Variants in SCAF8 observed in about 807,000 individuals in gnomAD.
SCAF8 encodes the protein SR-related CTD associated factor 8.
In SCAF8, 23 loss-of-function variants were observed where a neutral mutation model predicts 140.5. The ratio of observed to expected loss-of-function variants is 0.16; its 90% CI spans 0.12 to 0.23. The LOEUF (loss-of-function observed/expected upper bound fraction) is 0.23. Ranked by LOEUF, SCAF8 falls within the 10% of genes least tolerant of loss-of-function variation. SCAF8 has a pLI of 1.00. For missense variants in SCAF8, 1,397 were observed against 1,555.7 expected (o/e 0.90, Z 1.72); for synonymous variants, 575 against 528.9 (o/e 1.09, Z -1.20).
chr6:154,741,831 C>T lies in SCAF8; in HGVS notation c.30+7901C>T, dbSNP rs1778578519. The T allele has an allele frequency of 6.4e-6, 4 of 628,020 alleles. No individual in the cohort carries two copies. In the East Asian group the frequency reaches 8.5e-5, roughly 13 times the overall value. The allele number at this position is 628,020 out of a possible 1,614,324, so 38.9% of individuals were successfully genotyped here. On this transcript the variant is annotated intron_variant, in intron 1 of 19. Coordinates refer to ENST00000367178, the MANE Select transcript of SCAF8 (RefSeq NM_014892.5). Reference sequence around the variant, plus strand: ...ACGCTGTTTTGGACAACTTCTAACTCATAATGGTGTGAAAGAATGTAATCA... The same window carrying T: ...ACGCTGTTTTGGACAACTTCTAACTTATAATGGTGTGAAAGAATGTAATCA...
intron 1 of SCAF8, among the ~76,000 whole-genome samples, chr6:154,756,031 C>T (rs1778958336): frequency 6.6e-6 from 1 of 152,166 alleles, no homozygotes. Context: ...TCTTATTAAA[C>T]TTTATGCTTG....
intron 1 of SCAF8, among the ~76,000 whole-genome samples, chr6:154,735,242 C>T (rs1778384379): frequency 6.6e-6 from 1 of 151,922 alleles, no homozygotes; most frequent in African/African-American, 2.4e-5. Flanking sequence ...TAAAGAGTAT[C>T]TTTAATATTT....
At chr6:154,821,720 G>A (rs554081002) in intron 15 of SCAF8, among the ~76,000 whole-genome samples, 2 of 152,282 alleles carry the variant, frequency 1.3e-5, no homozygotes, top group South Asian at 2.1e-4. Flanking sequence ...TATAGCTTGC[G>A]CAGAGTGAGT....
chr6:154,815,915 TTAAA>T, intron 13 of SCAF8, 99 bp downstream of exon 13: 1 of 620,480 alleles, frequency 1.6e-6, no homozygotes, highest in East Asian at 3.0e-5. Context: ...AATGTCTGCC[TTAAA>T]TAATACACAT....
intron 1 of SCAF8, among the ~76,000 whole-genome samples, chr6:154,765,943 A>G (rs72993420): frequency 0.014 from 2,202 of 152,250 alleles, 21 homozygotes; most frequent in Non-Finnish European, 0.021. Context: ...TGAAAATCAT[A>G]TAACTTTTGA....
chr6:154,751,850 C>A (rs983536312), intron 1 of SCAF8, among the ~76,000 whole-genome samples: 4 of 152,306 alleles, frequency 2.6e-5, no homozygotes, highest in South Asian at 2.1e-4. Context: ...TGCTGCTCCT[C>A]TCCTCCTCGT....
intron 7 of SCAF8, among the ~76,000 whole-genome samples, chr6:154,802,665 T>A (rs1015920074): frequency 1.3e-5 from 2 of 152,144 alleles, no homozygotes; most frequent in African/African-American, 4.8e-5. Flanking sequence ...TTTAAAATAT[T>A]TTCATTTGAC....
At chr6:154,779,109 T>C (rs1202349800) in intron 3 of SCAF8, among the ~76,000 whole-genome samples, 14 of 152,190 alleles carry the variant, frequency 9.2e-5, no homozygotes. Context: ...TTCGGCTCAC[T>C]GCAACCTCTG....
chr6:154,794,766 G>A (rs545080466), intron 5 of SCAF8, among the ~76,000 whole-genome samples: 2 of 74,196 alleles, frequency 2.7e-5, no homozygotes, highest in African/African-American at 6.8e-5. Context: ...TGGTGGGGGG[G>A]GGGGGGTGTG....
chr6:154,816,986 CT>C (rs1184301222), intron 13 of SCAF8, among the ~76,000 whole-genome samples: 1 of 152,050 alleles, frequency 6.6e-6, no homozygotes, highest in Non-Finnish European at 1.5e-5. Flanking sequence ...TCAGATTTCT[CT>C]TTCTTTACCA....
At chr6:154,785,182 A>G (rs1562444703) in intron 3 of SCAF8, among the ~76,000 whole-genome samples, 1 of 152,176 alleles carries the variant, frequency 6.6e-6, no homozygotes, top group African/African-American at 2.4e-5. Flanking sequence ...AGCAGTATTC[A>G]TTACTATCTG....
chr6:154,755,165 G>A (rs1778934652), intron 1 of SCAF8, among the ~76,000 whole-genome samples: 1 of 152,012 alleles, frequency 6.6e-6, no homozygotes, highest in Non-Finnish European at 1.5e-5. Flanking sequence ...TTCTCCTTTG[G>A]TTTGTTGCAG....
chr6:154,782,417 T>TCAAAA (rs200726820), intron 3 of SCAF8, among the ~76,000 whole-genome samples: 8 of 151,830 alleles, frequency 5.3e-5, no homozygotes, highest in African/African-American at 7.3e-5. Context: ...AGAGCTTGTC[T>TCAAAA]CAAAACAAAA....
chr6:154,801,999 TACA>T lies in SCAF8; in HGVS notation c.642_644del (p.Gln215del). 1.2e-6 allele frequency: 2 copies of T among 1,605,462 alleles called. No homozygotes were observed. Among genetic ancestry groups the T allele is most frequent in the Non-Finnish European group, 1.7e-6 (2 of 1,176,886 alleles). On this transcript the variant is annotated inframe_deletion, in exon 7 of 20. Transcript: ENST00000367178. ...CAACAATTAATACAAACCTTACAGA[TACA>T]ACAACAGAAGCCCCAGCCTTCCATT...
intron 1 of SCAF8, among the ~76,000 whole-genome samples, chr6:154,740,919 G>T (rs1477229888): frequency 6.6e-6 from 1 of 151,962 alleles, no homozygotes; most frequent in Non-Finnish European, 1.5e-5. Flanking sequence ...GTGCCTGGCC[G>T]CTAAGTAAAG....
intron 1 of SCAF8, among the ~76,000 whole-genome samples, chr6:154,767,045 A>G (rs967728769): frequency 6.6e-6 from 1 of 152,130 alleles, no homozygotes; most frequent in Non-Finnish European, 1.5e-5. Flanking sequence ...ATGGTTGACC[A>G]GGGGCATTGT....
chr6:154,737,841 C>G lies in SCAF8; in HGVS notation c.30+3911C>G, dbSNP rs528883752. On this transcript the variant is annotated intron_variant, in intron 1 of 19. Transcript: ENST00000367178. ...CCGGTGATCTGCCCACCTCCCCTCCCAAAGTGCTGGGATTACAGGCCTAAG... is the reference window on the plus strand; with the variant it reads ...CCGGTGATCTGCCCACCTCCCCTCCGAAAGTGCTGGGATTACAGGCCTAAG... 1.2e-4 allele frequency among the ~76,000 whole-genome samples: 18 copies of G among 152,252 alleles called. No individual in the cohort carries two copies. The South Asian group carries it at 3.1e-3, about 26-fold the overall frequency.
intron 3 of SCAF8, among the ~76,000 whole-genome samples, chr6:154,783,607 A>G (rs978872303): frequency 3.9e-5 from 6 of 152,248 alleles, no homozygotes; most frequent in African/African-American, 9.6e-5. Flanking sequence ...AGAGATTATC[A>G]TCATGAAAGT....
At chr6:154,793,405 A>C (rs942594323) in intron 5 of SCAF8, among the ~76,000 whole-genome samples, 3 of 151,972 alleles carry the variant, frequency 2.0e-5, no homozygotes, top group African/African-American at 7.2e-5. Flanking sequence ...ACTATGATAA[A>C]AAATTTTTAT....
Sources: gnomAD v4.1 joint callset for allele counts (sites outside exome capture counted in the v4.1 genomes callset) on GRCh38, gnomAD v4.1.1 for gene constraint, MANE v1.5 for transcripts, NCBI Gene and HGNC (gene_info 2026-07-23, HGNC 2026-07-21) for gene names.